Variants in ACSM6 observed in about 807,000 individuals in gnomAD.
ACSM6 encodes the protein acyl-CoA synthetase medium chain family member 6.
Under a neutral mutation model 51.1 loss-of-function variants are expected in ACSM6, and 35 were observed. The observed-to-expected ratio is 0.69, with a 90% CI of 0.52 to 0.91. The LOEUF (loss-of-function observed/expected upper bound fraction) is 0.91, where lower values mean the gene tolerates loss of function less well. ACSM6 is among the 40% of genes least tolerant of loss of function. The probability of loss-of-function intolerance (pLI) is 0.00; values close to 1 mark genes in which losing one functional copy is unlikely to be tolerated. For missense variants in ACSM6, 509 were observed against 584.1 expected (o/e 0.87, Z 1.32); for synonymous variants, 172 against 207.3 (o/e 0.83, Z 1.46).
exon 7 of ACSM6, chr10:95,212,863 G>A (rs1477590519): frequency 1.2e-6 from 2 of 1,612,900 alleles, no homozygotes; most frequent in Non-Finnish European, 1.7e-6. Flanking sequence ...CCCAGGTCCT[G>A]TCCAGATTTC....
chr10:95,217,884 C>T (rs1438362400), intron 8 of ACSM6, among the ~76,000 whole-genome samples: 2 of 152,224 alleles, frequency 1.3e-5, no homozygotes, highest in African/African-American at 2.4e-5. Flanking sequence ...ACGCTTGGTA[C>T]GCAAGTTACA....
chr10:95,196,395 G>A (rs1024108236), intron 2 of ACSM6, among the ~76,000 whole-genome samples: 3 of 152,208 alleles, frequency 2.0e-5, no homozygotes, highest in Non-Finnish European at 4.4e-5. Flanking sequence ...GTCACTTGGG[G>A]CATCAATCAC....
At chr10:95,197,219 T>C (rs138482259) in intron 2 of ACSM6, among the ~76,000 whole-genome samples, 213 of 152,228 alleles carry the variant, frequency 1.4e-3, no homozygotes, top group South Asian at 8.3e-3. Context: ...CCCCTCCACA[T>C]CTGTGGGTAT....
chr10:95,227,388 T>C (rs1420893844), intron 10 of ACSM6, among the ~76,000 whole-genome samples: 1 of 152,234 alleles, frequency 6.6e-6, no homozygotes, highest in African/African-American at 2.4e-5. Context: ...ATGTTTTATA[T>C]TGTAAATATT....
At chr10:95,212,883 C>T (rs776098809) in exon 7 of ACSM6, 1 of 1,613,798 alleles carries the variant, frequency 6.2e-7, no homozygotes, top group Non-Finnish European at 8.5e-7. Flanking sequence ...CCCATCACCA[C>T]TCTATCTGCA....
At chr10:95,209,750 A>G (rs2034876603) in intron 4 of ACSM6, among the ~76,000 whole-genome samples, 1 of 152,010 alleles carries the variant, frequency 6.6e-6, no homozygotes, top group Admixed American at 6.5e-5. Context: ...TTTATTTTAT[A>G]TATTTATGTA....
intron 7 of ACSM6, 97 bp from the exon 8 acceptor site, chr10:95,214,755 G>T: frequency 7.4e-7 from 1 of 1,359,782 alleles, no homozygotes; most frequent in Non-Finnish European, 1.0e-6. Context: ...TTCCTGTATT[G>T]GAATAACTGC....
At chr10:95,198,762 G>A (rs1435393821) in intron 2 of ACSM6, among the ~76,000 whole-genome samples, 2 of 152,202 alleles carry the variant, frequency 1.3e-5, no homozygotes, top group Non-Finnish European at 2.9e-5. Flanking sequence ...AATGGCAGGG[G>A]AGAGATATAG....
intron 4 of ACSM6, among the ~76,000 whole-genome samples, chr10:95,209,442 T>A (rs2034873487): frequency 6.6e-6 from 1 of 152,044 alleles, no homozygotes; most frequent in Non-Finnish European, 1.5e-5. Flanking sequence ...CAGCCACAAT[T>A]GTGAAACTCC....
chr10:95,194,882 C>T (rs975504278), intron 2 of ACSM6, among the ~76,000 whole-genome samples: 2 of 152,200 alleles, frequency 1.3e-5, no homozygotes, highest in Admixed American at 6.5e-5. Flanking sequence ...GCTAAATAAC[C>T]ATGCAAACTT....
intron 4 of ACSM6, among the ~76,000 whole-genome samples, chr10:95,209,745 TTTATA>T (rs1298768555): frequency 6.6e-6 from 1 of 152,032 alleles, no homozygotes; most frequent in Non-Finnish European, 1.5e-5. Flanking sequence ...AAATATTTAT[TTTATA>T]TATTTATGTA....
At chr10:95,228,917 A>G (rs553934202) in exon 11 of ACSM6, 3 of 953,540 alleles carry the variant, frequency 3.1e-6, no homozygotes, top group Non-Finnish European at 4.3e-6. Flanking sequence ...AATAAAACTC[A>G]TCCATAATCT....
intron 2 of ACSM6, among the ~76,000 whole-genome samples, chr10:95,197,410 G>A (rs139636271): frequency 0.14 from 21,991 of 151,834 alleles, 1,882 homozygotes; most frequent in Admixed American, 0.22. Context: ...AAAAAGGAAT[G>A]TAGTAGGAGG....
chr10:95,207,970 G>A (rs755217977), intron 4 of ACSM6, among the ~76,000 whole-genome samples: 1 of 151,740 alleles, frequency 6.6e-6, no homozygotes, highest in African/African-American at 2.4e-5. Flanking sequence ...GTGAAACCCC[G>A]TCTCTACTAA....
At chr10:95,225,604 G>A in intron 10 of ACSM6, 1 of 432,582 alleles carries the variant, frequency 2.3e-6, no homozygotes, top group South Asian at 4.9e-5. Context: ...GCACATTTTT[G>A]ATGAGACATT....
intron 6 of ACSM6, 79 bp downstream of exon 6, chr10:95,212,113 C>T: frequency 1.3e-6 from 2 of 1,518,182 alleles, no homozygotes; most frequent in South Asian, 2.3e-5. Context: ...GACTCATGCC[C>T]AGAATGGGGC....
intron 9 of ACSM6, among the ~76,000 whole-genome samples, chr10:95,223,008 T>C (rs796612792): frequency 2.0e-5 from 3 of 152,278 alleles, no homozygotes; most frequent in African/African-American, 4.8e-5. Flanking sequence ...ATGTCAACTA[T>C]ACCTCATTAG....
At chr10:95,196,284 C>T (rs1369194798) in intron 2 of ACSM6, among the ~76,000 whole-genome samples, 1 of 152,174 alleles carries the variant, frequency 6.6e-6, no homozygotes, top group Non-Finnish European at 1.5e-5. Context: ...GACAGATGAG[C>T]AGTGATTGGG....
exon 4 of ACSM6, chr10:95,207,277 A>C (rs767771659): frequency 6.2e-7 from 1 of 1,614,178 alleles, no homozygotes; most frequent in South Asian, 1.1e-5. Flanking sequence ...CGCATGTCTA[A>C]GGCCCAGTGC....
Sources: allele counts gnomAD v4.1 joint callset (sites outside exome capture counted in the v4.1 genomes callset), GRCh38; gene constraint gnomAD v4.1.1; transcripts MANE v1.5; gene names NCBI Gene and HGNC (gene_info 2026-07-23, HGNC 2026-07-21).